The following PPM1E variants were observed in gnomAD, a reference collection of about 807,000 sequenced individuals.
PPM1E encodes the protein protein phosphatase 1E.
A neutral mutation model predicts 65.9 loss-of-function variants in PPM1E; 20 were observed. The observed-to-expected ratio is 0.30, with a 90% CI of 0.21 to 0.44. The LOEUF (loss-of-function observed/expected upper bound fraction) is 0.44, where lower values mean the gene tolerates loss of function less well. Among genes scored for constraint, PPM1E ranks in the 20% least tolerant of loss-of-function variants. The pLI is 1.00. For synonymous variants in PPM1E, 352 were observed against 374.9 expected, an observed-to-expected ratio of 0.94 and a Z score of 0.70; for missense variants, 713 against 953.1, an observed-to-expected ratio of 0.75 and a Z score of 3.32.
chr17:58,915,263 T>C (rs1425797254), intron 1 of PPM1E, among the ~76,000 whole-genome samples: 2 of 152,220 alleles, frequency 1.3e-5, no homozygotes, highest in Non-Finnish European at 2.9e-5. Context: ...GGGTGGATTA[T>C]TCATGCCTCC....
intron 4 of PPM1E, among the ~76,000 whole-genome samples, chr17:58,970,254 G>T (rs1305243131): frequency 6.6e-6 from 1 of 152,162 alleles, no homozygotes; most frequent in African/African-American, 2.4e-5. Flanking sequence ...AGGGAGAAAA[G>T]AAGAGCTCAT....
intron 1 of PPM1E, among the ~76,000 whole-genome samples, chr17:58,920,100 T>C (rs1304858871): frequency 6.6e-6 from 1 of 152,160 alleles, no homozygotes; most frequent in African/African-American, 2.4e-5. Flanking sequence ...TGCTGATGGA[T>C]TGGATTTGGG....
chr17:58,955,580 A>G (rs760636436), intron 1 of PPM1E, 69 bp from the exon 2 acceptor site: 1 of 1,510,958 alleles, frequency 6.6e-7, no homozygotes, highest in Non-Finnish European at 9.1e-7. Flanking sequence ...ATATGTAATT[A>G]TTATAACGTT....
intron 1 of PPM1E, among the ~76,000 whole-genome samples, chr17:58,904,804 C>T (rs535215885): frequency 6.7e-6 from 1 of 149,160 alleles, no homozygotes; most frequent in South Asian, 2.1e-4. Flanking sequence ...ACATTCCCCA[C>T]TTATTCATTG....
chr17:58,825,180 A>AT (rs1381286717), intron 1 of PPM1E, among the ~76,000 whole-genome samples: 1 of 151,760 alleles, frequency 6.6e-6, no homozygotes, highest in African/African-American at 2.4e-5. Flanking sequence ...GAAAACTAAA[A>AT]TAAAAAAAAG....
At chr17:58,853,077 T>G (rs2050844734) in intron 1 of PPM1E, among the ~76,000 whole-genome samples, 2 of 152,208 alleles carry the variant, frequency 1.3e-5, no homozygotes, top group African/African-American at 4.8e-5. Flanking sequence ...GATAGTGTCT[T>G]TTGATGCACA....
intron 1 of PPM1E, among the ~76,000 whole-genome samples, chr17:58,861,433 C>CT (rs2050941378): frequency 6.6e-6 from 1 of 152,136 alleles, no homozygotes; most frequent in South Asian, 2.1e-4. Context: ...CAGATGCTGT[C>CT]TTTTTCTTCT....
rs750053884 is a variant in PPM1E, at chr17:58,980,407, A to G, written c.1644A>G (p.Ser548=). The G allele has an allele frequency of 4.3e-6, 7 of 1,614,048 alleles. No homozygotes were observed. In the Admixed American group the frequency reaches 6.7e-5, roughly 15 times the overall value. ...TAGGCTATGATGGGCGTGTGGATTC[A>G]TTCACTGATAGAACTAGCCTGAGCC... ...ADLGYDGRVD[S]FTDRTSLSPG... is the part of the protein sequence containing the mutation. Residue 548 remains serine, a synonymous_variant, in exon 7 of 7, where the codon TCA becomes TCG. Coordinates refer to ENST00000308249, the MANE Select transcript of PPM1E (RefSeq NM_014906.5). This position sits in a 1 kb window ranked among gnomAD's most constrained non-coding sequence, Gnocchi z 4.7.
chr17:58,769,210 A>G (rs1185308002), intron 1 of PPM1E, among the ~76,000 whole-genome samples: 1 of 151,918 alleles, frequency 6.6e-6, no homozygotes, highest in Non-Finnish European at 1.5e-5. Flanking sequence ...GAAGGTACCT[A>G]TTTTCTATAT....
Position 58,981,232 on chromosome 17 carries a change from A to G in PPM1E, c.*201A>G, listed in dbSNP as rs2031340461. 7.5e-6 allele frequency: 4 copies of G among 530,202 alleles called. No homozygotes were observed. In the East Asian group the frequency reaches 1.3e-4, roughly 17 times the overall value. The allele number at this position is 530,202 out of a possible 1,614,324, so 32.8% of individuals were successfully genotyped here. On this transcript the variant is annotated 3_prime_UTR_variant, in exon 7 of 7. Coordinates refer to ENST00000308249, the MANE Select transcript of PPM1E (RefSeq NM_014906.5). The stretch of plus-strand genomic sequence containing the variant: ...AGAAGTATTGGCAGTTTCACTTGCA[A>G]AATTACACAGCTGGTCCCTGTGATG...
rs1206599457 is a variant in PPM1E, at chr17:58,983,675, G to C, written c.*2644G>C. 2 of 152,620 alleles carry C rather than the reference G, an allele frequency of 1.3e-5. No individual in the cohort carries two copies. Among genetic ancestry groups the C allele is most frequent in the African/African-American group, 4.8e-5 (2 of 41,444 alleles). 9.5% of individuals were successfully genotyped at this position (152,620 alleles called of 1,614,324 possible). A position where few individuals can be genotyped will look rare whatever the true frequency, so the allele number is the denominator to read the frequency against. ...CTGTTAATGCTGAGGTATAGTCTGT[G>C]AATTATGTGTTTTGTATTTTTATTC... On this transcript the variant is annotated 3_prime_UTR_variant, in exon 7 of 7. Transcript: ENST00000308249.
chr17:58,838,479 A>T (rs2050685142), intron 1 of PPM1E, among the ~76,000 whole-genome samples: 1 of 152,230 alleles, frequency 6.6e-6, no homozygotes, highest in South Asian at 2.1e-4. Context: ...ATGAGATACC[A>T]TTAAAGTCTG....
chr17:58,780,425 G>A (rs945545117), intron 1 of PPM1E, among the ~76,000 whole-genome samples: 3 of 152,160 alleles, frequency 2.0e-5, no homozygotes, highest in African/African-American at 4.8e-5. Context: ...ACCTGAGGCT[G>A]GGGAGGTCGA....
intron 1 of PPM1E, among the ~76,000 whole-genome samples, chr17:58,859,411 C>T (rs191148659): frequency 0.014 from 2,066 of 152,294 alleles, 25 homozygotes; most frequent in Non-Finnish European, 0.022. Context: ...GCATTTTCCC[C>T]TTTTTATCAA....
intron 1 of PPM1E, among the ~76,000 whole-genome samples, chr17:58,850,356 A>G (rs1033845494): frequency 4.6e-5 from 7 of 152,176 alleles, no homozygotes; most frequent in Non-Finnish European, 8.8e-5. Context: ...TAGTTGATGC[A>G]GTTTCTTCCT....
intron 1 of PPM1E, among the ~76,000 whole-genome samples, chr17:58,910,910 T>A (rs965719092): frequency 4.6e-5 from 7 of 152,038 alleles, no homozygotes; most frequent in Admixed American, 4.6e-4. Context: ...TTCAACATGG[T>A]TCCTTTTCCC....
chr17:58,874,962 AT>A, intron 1 of PPM1E, among the ~76,000 whole-genome samples: 1 of 152,158 alleles, frequency 6.6e-6, no homozygotes, highest in Admixed American at 6.5e-5. Flanking sequence ...CTCCTGCCCC[AT>A]TTTCTGTCCC....
intron 1 of PPM1E, among the ~76,000 whole-genome samples, chr17:58,904,241 A>G (rs2051529645): frequency 1.3e-5 from 2 of 152,204 alleles, no homozygotes; most frequent in Non-Finnish European, 2.9e-5. Flanking sequence ...GGCATGTACT[A>G]TCATCTTTAT....
At chr17:58,834,992 C>G (rs2050640069) in intron 1 of PPM1E, among the ~76,000 whole-genome samples, 1 of 152,156 alleles carries the variant, frequency 6.6e-6, no homozygotes, top group Non-Finnish European at 1.5e-5. Flanking sequence ...TCTTTACTCT[C>G]TAAAGCCTCC....
Sources: gnomAD v4.1 joint callset for allele counts (sites outside exome capture counted in the v4.1 genomes callset) on GRCh38, gnomAD v4.1.1 for gene constraint, Gnocchi (gnomAD v3.1) non-coding constraint, MANE v1.5 for transcripts, NCBI Gene and HGNC (gene_info 2026-07-23, HGNC 2026-07-21) for gene names.